PTPRD: variants seen among roughly 807,000 people sequenced by gnomAD.
PTPRD encodes protein tyrosine phosphatase receptor type D.
PTPRD carries 34 observed loss-of-function variants against 214.5 expected under a neutral mutation model. That is an observed-to-expected ratio of 0.16 (90% CI 0.12 to 0.21). PTPRD has a LOEUF of 0.21. PTPRD is among the 10% of genes least tolerant of loss of function. PTPRD has a pLI of 1.00. For missense variants in PTPRD, 2,545 were observed against 2,398.7 expected, an observed-to-expected ratio of 1.06 and a Z score of -1.27; for synonymous variants, 1,128 against 845.7, an observed-to-expected ratio of 1.33 and a Z score of -5.79.
chr9:9,237,716 C>G (rs1289450511), intron 9 of PTPRD, among the ~76,000 whole-genome samples: 1 of 152,050 alleles, frequency 6.6e-6, no homozygotes, highest in Non-Finnish European at 1.5e-5. Flanking sequence ...GTAGGCCTCT[C>G]TCTTCTGTCT....
rs149932990 is a variant in PTPRD at position 10,312,511 on chromosome 9, T to A, written c.-545+28452A>T. ...TCTAATAAGGTATTTTATAAAAACC[T>A]ATCATAAGAAGTTTTAAAATTTATA... On this transcript the variant is annotated intron_variant, in intron 3 of 45. Coordinates refer to ENST00000381196, the MANE Select transcript of PTPRD (RefSeq NM_002839.4). Among the ~76,000 whole-genome samples the A allele has an allele frequency of 1.6e-3, 238 of 152,140 alleles. 4 individuals are homozygous for A. The highest frequency in any genetic ancestry group is 5.3e-3 in the African/African-American group (222 of 41,554).
chr9:8,470,983 T>C lies in PTPRD; in HGVS notation c.3504+12A>G, dbSNP rs370166582. ...AACGAATAAAAGACATGGCCAACAA[T>C]GACACAGTTACCTCATCTAATTCCA... On this transcript the variant is annotated intron_variant, in intron 31 of 45. Coordinates refer to ENST00000381196, the MANE Select transcript of PTPRD (RefSeq NM_002839.4). 2 of 1,606,518 alleles carry C rather than the reference T, an allele frequency of 1.2e-6. No homozygotes were observed. Among genetic ancestry groups the C allele is most frequent in the Non-Finnish European group, 8.5e-7 (1 of 1,173,390 alleles).
intron 12 of PTPRD, among the ~76,000 whole-genome samples, chr9:8,687,863 T>C (rs1015512567): frequency 3.3e-5 from 5 of 152,200 alleles, no homozygotes; most frequent in African/African-American, 9.7e-5. Context: ...ATGAGGTTAT[T>C]TGATTTAAAA....
chr9:9,045,739 G>A (rs577398640), intron 10 of PTPRD, among the ~76,000 whole-genome samples: 14 of 152,156 alleles, frequency 9.2e-5, no homozygotes, highest in African/African-American at 3.4e-4. Flanking sequence ...CATTCCTTCA[G>A]CCAGCAAGCA....
chr9:9,870,007 T>C (rs1391173856), intron 5 of PTPRD, among the ~76,000 whole-genome samples: 1 of 152,098 alleles, frequency 6.6e-6, no homozygotes, highest in African/African-American at 2.4e-5. Context: ...ATTTGTTAGC[T>C]TACATCAATA....
At chr9:9,796,485 G>C (rs933175456) in intron 5 of PTPRD, among the ~76,000 whole-genome samples, 13 of 152,122 alleles carry the variant, frequency 8.5e-5, no homozygotes, top group African/African-American at 2.9e-4. Flanking sequence ...TAAATTTGAA[G>C]AAACTAAGCA....
intron 12 of PTPRD, among the ~76,000 whole-genome samples, chr9:8,641,964 G>A (rs1038606294): frequency 6.6e-6 from 1 of 152,134 alleles, no homozygotes; most frequent in South Asian, 2.1e-4. Flanking sequence ...CCAGCAAACT[G>A]CTTTTGTCTG....
rs1330327317 is a variant in PTPRD, at chr9:8,774,716, T to A, written c.-103-40770A>T. Among the ~76,000 whole-genome samples, 3 of 151,988 alleles carry A rather than the reference T, an allele frequency of 2.0e-5. No homozygotes were observed. In the East Asian group the frequency reaches 5.9e-4, roughly 30 times the overall value. On this transcript the variant is annotated intron_variant, in intron 11 of 45. Transcript: ENST00000381196. The stretch of plus-strand genomic sequence containing the variant: ...CACCTGGCTAATTTTGTATTTTTAG[T>A]AGAGACGGGGTTTCTCCATGTTGGT...
chr9:10,231,431 A>G (rs1412303494), intron 3 of PTPRD, among the ~76,000 whole-genome samples: 4 of 152,006 alleles, frequency 2.6e-5, no homozygotes, highest in Admixed American at 2.6e-4. Context: ...AGCTAAGTAT[A>G]AAAGGACAAA....
chr9:9,469,148 A>C (rs568895294), intron 8 of PTPRD, among the ~76,000 whole-genome samples: 1 of 152,290 alleles, frequency 6.6e-6, no homozygotes, highest in African/African-American at 2.4e-5. Context: ...TATATGAAAT[A>C]TCTCATTAAC....
chr9:8,967,120 C>G (rs766384928), intron 11 of PTPRD, among the ~76,000 whole-genome samples: 5 of 149,158 alleles, frequency 3.4e-5, no homozygotes, highest in Non-Finnish European at 7.4e-5. Flanking sequence ...GTCAGAATGA[C>G]AATTATTAAA....
At chr9:9,874,043 C>A (rs1415907419) in intron 5 of PTPRD, among the ~76,000 whole-genome samples, 3 of 152,078 alleles carry the variant, frequency 2.0e-5, no homozygotes, top group Admixed American at 6.6e-5. Context: ...TAGGACCTCA[C>A]AACAGATGAA....
intron 12 of PTPRD, among the ~76,000 whole-genome samples, chr9:8,649,251 A>T (rs1460208133): frequency 6.6e-6 from 1 of 152,260 alleles, no homozygotes; most frequent in Non-Finnish European, 1.5e-5. Flanking sequence ...AGTTCCACAA[A>T]GAGAAGATCT....
chr9:8,983,618 C>T (rs549222246), intron 11 of PTPRD, among the ~76,000 whole-genome samples: 2 of 151,630 alleles, frequency 1.3e-5, no homozygotes, highest in Non-Finnish European at 2.9e-5. Flanking sequence ...AAGCAATCCT[C>T]CTGCCTCAGC....
chr9:8,643,072 T>A (rs1407500630), intron 12 of PTPRD, among the ~76,000 whole-genome samples: 2 of 151,990 alleles, frequency 1.3e-5, no homozygotes, highest in East Asian at 3.9e-4. Context: ...GTGGTCAGGA[T>A]AGATCTTCAA....
At chr9:8,847,909 A>C (rs1344020599) in intron 11 of PTPRD, among the ~76,000 whole-genome samples, 1 of 152,228 alleles carries the variant, frequency 6.6e-6, no homozygotes, top group African/African-American at 2.4e-5. Flanking sequence ...CATATATAAC[A>C]GTCACTTGGC....
intron 11 of PTPRD, among the ~76,000 whole-genome samples, chr9:8,841,604 T>C (rs1470708065): frequency 6.6e-6 from 1 of 152,154 alleles, no homozygotes; most frequent in East Asian, 1.9e-4. Context: ...CACAAATGTA[T>C]TGTATTCTTA....
At chr9:8,577,459 T>G (rs569230506) in intron 14 of PTPRD, among the ~76,000 whole-genome samples, 1 of 152,230 alleles carries the variant, frequency 6.6e-6, no homozygotes, top group African/African-American at 2.4e-5. Flanking sequence ...TTCTCCATGT[T>G]GGTCAGGCTG....
chr9:9,864,674 A>G (rs1030561058), intron 5 of PTPRD, among the ~76,000 whole-genome samples: 30 of 151,888 alleles, frequency 2.0e-4, no homozygotes, highest in Non-Finnish European at 4.0e-4. Flanking sequence ...GCACACCACC[A>G]AGCCCAGCTA....
Sources: allele counts gnomAD v4.1 joint callset (sites outside exome capture counted in the v4.1 genomes callset), GRCh38; gene constraint gnomAD v4.1.1; transcripts MANE v1.5; gene names NCBI Gene and HGNC (gene_info 2026-07-23, HGNC 2026-07-21).